CDA: variants seen among roughly 807,000 people sequenced by gnomAD.
CDA encodes the protein cytidine aminohydrolase.
CDA carries 7 observed loss-of-function variants against 15.0 expected under a neutral mutation model. The observed-to-expected ratio is 0.47, with a 90% confidence interval of 0.26 to 0.87. The LOEUF is 0.87. CDA is among the 40% of genes least tolerant of loss of function. The probability of loss-of-function intolerance (pLI) is 0.15; values close to 1 mark genes in which losing one functional copy is unlikely to be tolerated. For synonymous variants in CDA, 58 were observed against 73.0 expected (o/e 0.79, Z 1.05); for missense variants, 159 against 182.7 (o/e 0.87, Z 0.75).
At chr1:20,606,653 ACAGT>A (rs1450834548) in intron 2 of CDA, among the ~76,000 whole-genome samples, 1 of 152,154 alleles carries the variant, frequency 6.6e-6, no homozygotes, top group African/African-American at 2.4e-5. Flanking sequence ...GGATACAAAA[ACAGT>A]CAGGTAAACA....
intron 2 of CDA, among the ~76,000 whole-genome samples, chr1:20,607,969 TA>T (rs1397867286): frequency 1.3e-5 from 2 of 152,148 alleles, no homozygotes; most frequent in Non-Finnish European, 2.9e-5. Flanking sequence ...GTCCCAGCTG[TA>T]GTGATCAGAG....
intron 3 of CDA, among the ~76,000 whole-genome samples, chr1:20,617,078 C>T (rs1162729611): frequency 6.6e-6 from 1 of 152,186 alleles, no homozygotes; most frequent in Non-Finnish European, 1.5e-5. Flanking sequence ...GACCCCACCT[C>T]CAGGGCTCTT....
At chr1:20,602,296 TTCTC>T (rs2052652184) in intron 1 of CDA, among the ~76,000 whole-genome samples, 1 of 152,140 alleles carries the variant, frequency 6.6e-6, no homozygotes, top group Non-Finnish European at 1.5e-5. Flanking sequence ...GGAGATGTGT[TTCTC>T]TGTCCTGCAA....
At chr1:20,616,833 C>A (rs938195907) in intron 3 of CDA, among the ~76,000 whole-genome samples, 1 of 152,100 alleles carries the variant, frequency 6.6e-6, no homozygotes, top group African/African-American at 2.4e-5. Context: ...AAATTTCCTT[C>A]CTTAAAACAT....
chr1:20,599,813 C>T (rs1205373898), intron 1 of CDA, among the ~76,000 whole-genome samples: 4 of 152,120 alleles, frequency 2.6e-5, no homozygotes, highest in Non-Finnish European at 5.9e-5. Flanking sequence ...TAACAGCTGC[C>T]GACCATTTCC....
chr1:20,609,457 G>A (rs972479760), intron 2 of CDA, among the ~76,000 whole-genome samples: 4 of 152,136 alleles, frequency 2.6e-5, no homozygotes, highest in Non-Finnish European at 4.4e-5. Context: ...CTGCACTCCA[G>A]CCTGGGCGAC....
At chr1:20,600,464 C>A (rs12030776) in intron 1 of CDA, among the ~76,000 whole-genome samples, 27,980 of 151,842 alleles carry the variant, frequency 0.18, 2,745 homozygotes, top group Middle Eastern at 0.23. Context: ...TAAAGAAAGT[C>A]ATTTTCAGGG....
intron 1 of CDA, among the ~76,000 whole-genome samples, chr1:20,601,977 CA>C (rs2052648289): frequency 6.6e-6 from 1 of 151,860 alleles, no homozygotes; most frequent in Non-Finnish European, 1.5e-5. Context: ...AAAAATTAGC[CA>C]GGTGTGGTGA....
chr1:20,601,467 T>A (rs1201667913), intron 1 of CDA, among the ~76,000 whole-genome samples: 1 of 152,196 alleles, frequency 6.6e-6, no homozygotes, highest in African/African-American at 2.4e-5. Flanking sequence ...CTCACTATAG[T>A]CTACCCTTTG....
At chr1:20,603,978 G>A (rs1389355774) in intron 1 of CDA, among the ~76,000 whole-genome samples, 4 of 152,206 alleles carry the variant, frequency 2.6e-5, no homozygotes, top group Non-Finnish European at 5.9e-5. Flanking sequence ...TCCCACTGGA[G>A]GCCCGAGGAT....
At chr1:20,611,708 G>C (rs1263180526) in intron 2 of CDA, among the ~76,000 whole-genome samples, 2 of 152,178 alleles carry the variant, frequency 1.3e-5, no homozygotes, top group African/African-American at 4.8e-5. Flanking sequence ...ACCAATCCTT[G>C]TCCTGCTCAG....
chr1:20,610,794 C>T (rs1418558713), intron 2 of CDA, among the ~76,000 whole-genome samples: 1 of 152,204 alleles, frequency 6.6e-6, no homozygotes, highest in Non-Finnish European at 1.5e-5. Flanking sequence ...GTCTTCCATA[C>T]ACCTTATCTC....
rs763686362 is a variant in CDA at position 20,589,272 on chromosome 1, G to A, written c.143G>A (p.Arg48Lys). Residue 48 changes from arginine (R) to lysine (K), a missense_variant, in exon 1 of 4, where the codon AGA becomes AAA. Physicochemically the swap from Arg to Lys is conservative, Grantham distance 26. Coordinates refer to ENST00000375071, the MANE Select transcript of CDA (RefSeq NM_001785.3). ...GCTGCCCTGCTCACCCAGGAGGGGA[G>A]AATCTTCAAAGGTAAAGGTGGGCAC... ...VGAALLTQEG[R>K]IFKGCNIENA... 1 of 1,614,032 alleles carries A rather than the reference G, an allele frequency of 6.2e-7. No individual in the cohort carries two copies. Among genetic ancestry groups the A allele is most frequent in the Non-Finnish European group, 8.5e-7 (1 of 1,180,004 alleles).
chr1:20,603,695 C>A (rs1237402427), intron 1 of CDA, among the ~76,000 whole-genome samples: 2 of 152,194 alleles, frequency 1.3e-5, no homozygotes, highest in Non-Finnish European at 2.9e-5. Flanking sequence ...TACTGGGGAA[C>A]AACTCCTATC....
At chr1:20,608,243 G>A (rs2052711816) in intron 2 of CDA, among the ~76,000 whole-genome samples, 1 of 152,150 alleles carries the variant, frequency 6.6e-6, no homozygotes, top group Non-Finnish European at 1.5e-5. Flanking sequence ...TCCAAATCCA[G>A]CCGCATTATG....
intron 1 of CDA, among the ~76,000 whole-genome samples, chr1:20,599,736 G>A (rs1227131387): frequency 1.3e-5 from 2 of 152,202 alleles, no homozygotes; most frequent in African/African-American, 4.8e-5. Flanking sequence ...TTGAGAAGGT[G>A]CAGAGGGTCA....
chr1:20,618,391 A>G, intron 3 of CDA, 61 bp from the exon 4 acceptor site: 1 of 893,208 alleles, frequency 1.1e-6, no homozygotes, highest in Non-Finnish European at 1.8e-6. Flanking sequence ...ACTCAGACCC[A>G]GTCCGTCTCA....
chr1:20,589,172 G>A lies in CDA; in HGVS notation c.43G>A (p.Val15Ile), dbSNP rs138643254. ...RPACTLKPEC[V>I]QQLLVCSQEA... ...TGCCTGCACCCTGAAGCCTGAGTGT[G>A]TCCAGCAGCTGCTGGTTTGCTCCCA... is the stretch of plus-strand genomic sequence containing the variant. The change falls in exon 1 of 4, where the codon GTC becomes ATC. Residue 15 changes from valine (V) to isoleucine (I), a missense_variant. By Grantham distance (29) the Val-to-Ile change is conservative. Transcript: ENST00000375071. 4.3e-6 allele frequency: 7 copies of A among 1,614,112 alleles called. No individual in the cohort carries two copies. In the African/African-American group the frequency reaches 8.0e-5, roughly 18 times the overall value.
intron 2 of CDA, 131 bp downstream of exon 2, chr1:20,605,170 A>G (rs1432987209): frequency 1.4e-6 from 1 of 716,520 alleles, no homozygotes; most frequent in Non-Finnish European, 2.5e-6. Flanking sequence ...CAGGCACTGT[A>G]CAGGGCCCTG....
Sources: gnomAD v4.1 joint callset for allele counts (sites outside exome capture counted in the v4.1 genomes callset) on GRCh38, gnomAD v4.1.1 for gene constraint, MANE v1.5 for transcripts, NCBI Gene and HGNC (gene_info 2026-07-23, HGNC 2026-07-21) for gene names.